ROBO2: variants seen among roughly 807,000 people sequenced by gnomAD.
ROBO2 encodes roundabout guidance receptor 2.
Under a neutral mutation model 160.8 loss-of-function variants are expected in ROBO2, and 53 were observed. The observed-to-expected ratio is 0.33, with a 90% CI of 0.26 to 0.41. The LOEUF (loss-of-function observed/expected upper bound fraction) is 0.41. Among genes scored for constraint, ROBO2 ranks in the 10% least tolerant of loss-of-function variants. The pLI is 1.00. For missense variants in ROBO2, 1,577 were observed against 1,722.4 expected, an observed-to-expected ratio of 0.92 and a Z score of 1.49; for synonymous variants, 664 against 611.7, an observed-to-expected ratio of 1.09 and a Z score of -1.26.
At chr3:77,150,004 G>A (rs1423985739) in intron 2 of ROBO2, among the ~76,000 whole-genome samples, 1 of 152,022 alleles carries the variant, frequency 6.6e-6, no homozygotes, top group East Asian at 1.9e-4. Flanking sequence ...ATGTCACATT[G>A]GATGATTATT....
chr3:76,555,942 T>G (rs112478357), intron 2 of ROBO2, among the ~76,000 whole-genome samples: 1 of 151,630 alleles, frequency 6.6e-6, no homozygotes, highest in Non-Finnish European at 1.5e-5. Flanking sequence ...ACAAAAAAAT[T>G]TGGCCAGGTG....
At chr3:75,943,944 G>A (rs72888421) in intron 2 of ROBO2, among the ~76,000 whole-genome samples, 3 of 151,990 alleles carry the variant, frequency 2.0e-5, no homozygotes, top group African/African-American at 2.4e-5. Flanking sequence ...CAGGTGATCC[G>A]CCCACTTCAG....
chr3:77,597,687 A>T (rs2094338763), intron 19 of ROBO2, among the ~76,000 whole-genome samples: 1 of 147,544 alleles, frequency 6.8e-6, no homozygotes, highest in African/African-American at 2.5e-5. Context: ...TACCTGAAGC[A>T]AATTTAAAAA....
intron 2 of ROBO2, among the ~76,000 whole-genome samples, chr3:77,196,990 A>G (rs1426927019): frequency 1.9e-5 from 2 of 102,652 alleles, no homozygotes; most frequent in Non-Finnish European, 4.6e-5. Context: ...GAAGGTAGAG[A>G]AAAAAAAAAC....
chr3:77,357,913 A>G (rs2069368660), intron 2 of ROBO2, among the ~76,000 whole-genome samples: 1 of 152,230 alleles, frequency 6.6e-6, no homozygotes, highest in Non-Finnish European at 1.5e-5. Flanking sequence ...TGAAAGATCC[A>G]TAAGGATTGG....
At chr3:77,631,944 T>C (rs2153713537) in intron 23 of ROBO2, 1 of 152,296 alleles carries the variant, frequency 6.6e-6, no homozygotes, top group South Asian at 2.1e-4. Flanking sequence ...TTTATACATT[T>C]TTTGTTTGTG....
intron 2 of ROBO2, among the ~76,000 whole-genome samples, chr3:76,646,639 T>C (rs2090983319): frequency 6.6e-6 from 1 of 152,126 alleles, no homozygotes; most frequent in South Asian, 2.1e-4. Context: ...TGAAAAAATA[T>C]TGAAAGTTTC....
chr3:77,445,532 C>T (rs2080386183), intron 2 of ROBO2, among the ~76,000 whole-genome samples: 1 of 151,774 alleles, frequency 6.6e-6, no homozygotes, highest in African/African-American at 2.4e-5. Context: ...TTCGACCAAA[C>T]TTCTAATAGG....
chr3:76,846,824 A>C (rs141784765), intron 2 of ROBO2, among the ~76,000 whole-genome samples: 1 of 152,278 alleles, frequency 6.6e-6, no homozygotes, highest in African/African-American at 2.4e-5. Flanking sequence ...TTATACACTC[A>C]GTGATCACTG....
chr3:76,244,915 G>C (rs750957551), intron 2 of ROBO2, among the ~76,000 whole-genome samples: 2 of 152,154 alleles, frequency 1.3e-5, no homozygotes, highest in Admixed American at 6.6e-5. Flanking sequence ...GATGTTAAGT[G>C]TCAGCCTAAC....
intron 2 of ROBO2, among the ~76,000 whole-genome samples, chr3:76,983,540 CT>C (rs2060210138): frequency 6.6e-6 from 1 of 151,988 alleles, no homozygotes; most frequent in African/African-American, 2.4e-5. Context: ...CATTCACACC[CT>C]TTTTTCCACC....
intron 2 of ROBO2, among the ~76,000 whole-genome samples, chr3:76,208,865 A>G (rs1205098215): frequency 1.3e-5 from 2 of 152,110 alleles, no homozygotes; most frequent in Non-Finnish European, 2.9e-5. Context: ...AAATTACCCA[A>G]TAAAATCCCC....
At chr3:76,624,796 C>CAAAAAAAAAAAAAAAAAAAAAAAAAAA (rs57920315) in intron 2 of ROBO2, among the ~76,000 whole-genome samples, 3 of 46,326 alleles carry the variant, frequency 6.5e-5, no homozygotes, top group African/African-American at 2.1e-4. Flanking sequence ...GACTCCGTCT[C>CAAAAAAAAAAAAAAAAAAAAAAAAAAA]AAAAAAAAAA....
At chr3:76,187,774 T>A (rs547662388) in intron 2 of ROBO2, among the ~76,000 whole-genome samples, 1 of 152,114 alleles carries the variant, frequency 6.6e-6, no homozygotes, top group South Asian at 2.1e-4. Flanking sequence ...TCTTTTTACC[T>A]CTTCTCTTGG....
chr3:76,860,004 G>T (rs1311182290), intron 2 of ROBO2, among the ~76,000 whole-genome samples: 4 of 152,034 alleles, frequency 2.6e-5, no homozygotes, highest in Non-Finnish European at 4.4e-5. Context: ...GATATTTTAC[G>T]ATTTTCAAAA....
intron 19 of ROBO2, among the ~76,000 whole-genome samples, chr3:77,601,578 C>G (rs373577254): frequency 7.2e-5 from 11 of 152,130 alleles, no homozygotes; most frequent in African/African-American, 2.7e-4. Context: ...ATTAAACTCA[C>G]CGATCACTGA....
At chr3:76,387,517 A>G (rs932342689) in intron 2 of ROBO2, among the ~76,000 whole-genome samples, 2 of 152,192 alleles carry the variant, frequency 1.3e-5, no homozygotes, top group African/African-American at 4.8e-5. Context: ...ACCTAAAATT[A>G]TGTGTTGCAC....
intron 2 of ROBO2, among the ~76,000 whole-genome samples, chr3:77,277,496 C>T (rs752170356): frequency 6.6e-5 from 10 of 151,998 alleles, no homozygotes; most frequent in Admixed American, 2.6e-4. Context: ...TGTTTCCCCA[C>T]TATGTGTCCA....
At chr3:76,045,467 T>A (rs1331412919) in intron 2 of ROBO2, among the ~76,000 whole-genome samples, 1 of 152,016 alleles carries the variant, frequency 6.6e-6, no homozygotes, top group African/African-American at 2.4e-5. Context: ...CTCTGGGAGA[T>A]TTGGAGACAC....
Sources: allele counts gnomAD v4.1 joint callset (sites outside exome capture counted in the v4.1 genomes callset), GRCh38; gene constraint gnomAD v4.1.1; transcripts MANE v1.5; gene names NCBI Gene and HGNC (gene_info 2026-07-23, HGNC 2026-07-21).